GPC6: variants seen among roughly 807,000 people sequenced by gnomAD.
GPC6 encodes glypican-6.
In GPC6, 14 loss-of-function variants were observed where a neutral mutation model predicts 55.2. That is an observed-to-expected ratio of 0.25 (90% CI 0.17 to 0.40). GPC6 has a LOEUF of 0.40. Ranked by LOEUF, GPC6 falls within the 10% of genes least tolerant of loss-of-function variation. The probability of loss-of-function intolerance (pLI) is 1.00; values close to 1 mark genes in which losing one functional copy is unlikely to be tolerated. For missense variants in GPC6, 641 were observed against 708.5 expected (o/e 0.90, Z 1.08); for synonymous variants, 278 against 259.6 (o/e 1.07, Z -0.68).
chr13:94,399,744 A>G (rs1273240860), intron 8 of GPC6, among the ~76,000 whole-genome samples: 1 of 152,224 alleles, frequency 6.6e-6, no homozygotes, highest in Non-Finnish European at 1.5e-5. Context: ...AACACAGAAT[A>G]ATTACCAACC....
intron 4 of GPC6, among the ~76,000 whole-genome samples, chr13:94,263,034 C>T (rs527555255): frequency 1.3e-5 from 2 of 152,326 alleles, no homozygotes; most frequent in East Asian, 1.9e-4. Flanking sequence ...CACTTAGTGC[C>T]AATCACATGT....
chr13:93,676,120 AAAAAAAATATATATATATATATATATAT>A (rs1280900569), intron 2 of GPC6, among the ~76,000 whole-genome samples: 2 of 13,310 alleles, frequency 1.5e-4, no homozygotes, highest in Non-Finnish European at 4.4e-4. Flanking sequence ...AAAAAAAAAA[AAAAAAAATATATATATATATATATATAT>A]ATATATATAT....
intron 1 of GPC6, among the ~76,000 whole-genome samples, chr13:93,366,433 T>C (rs578176066): frequency 5.5e-4 from 83 of 152,086 alleles, no homozygotes; most frequent in Non-Finnish European, 1.0e-3. Context: ...GCAGACTACA[T>C]GCAGTGTTGC....
chr13:94,040,141 C>T (rs564661544), intron 4 of GPC6, among the ~76,000 whole-genome samples: 7 of 151,802 alleles, frequency 4.6e-5, no homozygotes, highest in African/African-American at 1.2e-4. Flanking sequence ...TCTAGAATTA[C>T]GTTCTTCTGG....
intron 1 of GPC6, among the ~76,000 whole-genome samples, chr13:93,341,447 G>A (rs1369245950): frequency 6.6e-6 from 1 of 152,136 alleles, no homozygotes; most frequent in Non-Finnish European, 1.5e-5. Context: ...ATTCTTGCAC[G>A]AGTAAGGTGG....
chr13:93,225,773 A>G (rs1392928075), upstream of GPC6, among the ~76,000 whole-genome samples: 1 of 152,230 alleles, frequency 6.6e-6, no homozygotes, highest in Non-Finnish European at 1.5e-5. Context: ...TCAGGAAAAC[A>G]TCTTCATGTG....
In GPC6 at chr13:93,511,680, AG is replaced by A. The variant is rs565147310; in HGVS notation, c.161-33581del. Among the ~76,000 whole-genome samples the A allele has an allele frequency of 2.0e-4, 30 of 152,126 alleles. 1 individual carries two copies. The South Asian group carries it at 5.8e-3, about 29-fold the overall frequency. ...TGGAGTCTGGTTCCATATGAATTTT[AG>A]GATCGTTTTTTCTAATTCTATGAAG... On this transcript the variant is annotated intron_variant, in intron 1 of 8. Transcript: ENST00000377047.
intron 3 of GPC6, among the ~76,000 whole-genome samples, chr13:93,899,627 A>G (rs1180409809): frequency 2.0e-5 from 3 of 152,094 alleles, no homozygotes; most frequent in African/African-American, 4.8e-5. Flanking sequence ...AAATTTGGAA[A>G]GGGAAATGGT....
rs762494154 is a variant in GPC6, at chr13:93,830,624, A to C, written c.711+79A>C. 212 of 1,234,396 alleles carry C rather than the reference A, an allele frequency of 1.7e-4. 2 individuals carry two copies. Among genetic ancestry groups the C allele is most frequent in the South Asian group, 6.1e-4 (43 of 70,490 alleles). 76.5% of individuals were successfully genotyped at this position (1,234,396 alleles called of 1,614,324 possible). On this transcript the variant is annotated intron_variant, in intron 3 of 8. Coordinates refer to ENST00000377047, the MANE Select transcript of GPC6 (RefSeq NM_005708.5). ...TAAAACCAATGTTTAAAAAAAAAAA[A>C]AAAAAAAAAAAAAACCAAGGTAAAA...
chr13:93,585,490 C>T (rs978940166), intron 2 of GPC6, among the ~76,000 whole-genome samples: 1 of 152,186 alleles, frequency 6.6e-6, no homozygotes, highest in African/African-American at 2.4e-5. Flanking sequence ...CATTACATCA[C>T]TAAGTGCTGA....
At chr13:93,815,101 A>G (rs973874449) in intron 2 of GPC6, among the ~76,000 whole-genome samples, 4 of 151,850 alleles carry the variant, frequency 2.6e-5, no homozygotes, top group Non-Finnish European at 4.4e-5. Flanking sequence ...CCAATTTTTA[A>G]TATTCAGATA....
chr13:93,290,604 C>T (rs912400571), intron 1 of GPC6, among the ~76,000 whole-genome samples: 2 of 152,100 alleles, frequency 1.3e-5, no homozygotes, highest in African/African-American at 4.8e-5. Context: ...TTCCCCTCCC[C>T]ATTACTGGAA....
At chr13:93,680,786 G>T (rs1881819655) in intron 2 of GPC6, among the ~76,000 whole-genome samples, 1 of 152,102 alleles carries the variant, frequency 6.6e-6, no homozygotes, top group African/African-American at 2.4e-5. Flanking sequence ...AGAACTGGGG[G>T]TATCAATATC....
chr13:93,515,472 G>A (rs942004644), intron 1 of GPC6, among the ~76,000 whole-genome samples: 3 of 152,066 alleles, frequency 2.0e-5, no homozygotes, highest in Admixed American at 6.6e-5. Context: ...ATTTCTTTTG[G>A]AGATGGATTG....
chr13:94,328,848 G>T (rs1877264162), intron 6 of GPC6, among the ~76,000 whole-genome samples: 1 of 152,200 alleles, frequency 6.6e-6, no homozygotes, highest in African/African-American at 2.4e-5. Flanking sequence ...ACAGGTCACT[G>T]CCCATCACCA....
intron 6 of GPC6, among the ~76,000 whole-genome samples, chr13:94,317,979 G>T (rs1327298536): frequency 6.6e-6 from 1 of 152,158 alleles, no homozygotes; most frequent in Non-Finnish European, 1.5e-5. Flanking sequence ...TGTAGCCAAA[G>T]AATGCTATTT....
At chr13:94,060,733 G>A (rs1367832734) in intron 4 of GPC6, among the ~76,000 whole-genome samples, 1 of 152,120 alleles carries the variant, frequency 6.6e-6, no homozygotes, top group Non-Finnish European at 1.5e-5. Flanking sequence ...ACTCAATCAA[G>A]TATAATCCTG....
At chr13:93,775,566 C>T (rs983098586) in intron 2 of GPC6, among the ~76,000 whole-genome samples, 1 of 152,068 alleles carries the variant, frequency 6.6e-6, no homozygotes, top group East Asian at 1.9e-4. Context: ...TGAGAGTGAT[C>T]GTGGAGAAAT....
intron 1 of GPC6, among the ~76,000 whole-genome samples, chr13:93,368,337 T>TCCC (rs1881328002): frequency 1.1e-5 from 1 of 92,534 alleles, no homozygotes; most frequent in Non-Finnish European, 2.1e-5. Flanking sequence ...CCCTCCCTGC[T>TCCC]TTCCTTCCTT....
Sources: gnomAD v4.1 joint callset for allele counts (sites outside exome capture counted in the v4.1 genomes callset) on GRCh38, gnomAD v4.1.1 for gene constraint, MANE v1.5 for transcripts, NCBI Gene and HGNC (gene_info 2026-07-23, HGNC 2026-07-21) for gene names.